Variants in MTMR3 observed in about 807,000 individuals in gnomAD.
MTMR3 encodes phosphatidylinositol-3,5-bisphosphate 3-phosphatase MTMR3.
Under a neutral mutation model 132.4 loss-of-function variants are expected in MTMR3, and 32 were observed. That is an observed-to-expected ratio of 0.24 (90% CI 0.18 to 0.32). MTMR3 has a LOEUF of 0.32. Ranked by LOEUF, MTMR3 falls within the 10% of genes least tolerant of loss-of-function variation. The pLI, the probability that MTMR3 is intolerant of heterozygous loss-of-function variation, is 1.00. For missense variants in MTMR3, 1,216 were observed against 1,489.6 expected (o/e 0.82, Z 3.02); for synonymous variants, 556 against 550.3 (o/e 1.01, Z -0.14).
At chr22:29,980,064 C>T (rs988565081) in intron 5 of MTMR3, 4 of 152,146 alleles carry the variant, frequency 2.6e-5, no homozygotes, top group African/African-American at 9.7e-5. Context: ...TTTCTACACT[C>T]CACTTCCAGC....
intron 1 of MTMR3, among the ~76,000 whole-genome samples, chr22:29,890,572 T>C (rs1423308835): frequency 6.6e-6 from 1 of 152,134 alleles, no homozygotes; most frequent in Non-Finnish European, 1.5e-5. Context: ...GTTTTAAATT[T>C]AGATATACTC....
chr22:30,023,776 G>A, intron 19 of MTMR3: 1 of 429,328 alleles, frequency 2.3e-6, no homozygotes, highest in East Asian at 4.3e-5. Flanking sequence ...AACCAGTTGG[G>A]TTTTCAGAGC....
chr22:30,012,673 C>T lies in MTMR3; in HGVS notation c.1317+110C>T. The T allele has an allele frequency of 2.5e-6, 3 of 1,213,174 alleles. No individual in the cohort carries two copies. In the South Asian group the frequency reaches 5.1e-5, roughly 21 times the overall value. 75.2% of individuals were successfully genotyped at this position (1,213,174 alleles called of 1,614,324 possible). On this transcript the variant is annotated intron_variant, in intron 13 of 19. Coordinates refer to ENST00000401950, the MANE Select transcript of MTMR3 (RefSeq NM_021090.4). ...GATTCGGTTAAAGAAAGTGAAATTT[C>T]TGTTTTGGTCATTGTTCCTTTATGC...
At chr22:29,940,117 A>G (rs2065827840) in intron 1 of MTMR3, among the ~76,000 whole-genome samples, 2 of 151,958 alleles carry the variant, frequency 1.3e-5, no homozygotes, top group South Asian at 4.2e-4. Flanking sequence ...AATACAAAAA[A>G]ATTAGCCGGG....
chr22:29,928,095 C>A (rs1418932300), intron 1 of MTMR3, among the ~76,000 whole-genome samples: 1 of 151,652 alleles, frequency 6.6e-6, no homozygotes, highest in East Asian at 1.9e-4. Context: ...CGCAAACCAC[C>A]ACGCCTGTCT....
chr22:29,959,847 C>T (rs1201195215), intron 2 of MTMR3, among the ~76,000 whole-genome samples: 1 of 150,478 alleles, frequency 6.6e-6, no homozygotes, highest in African/African-American at 2.5e-5. Flanking sequence ...CAGCCTCGAT[C>T]TCCTGGGCTC....
At chr22:29,994,112 T>G (rs2067015090) in intron 7 of MTMR3, 1 of 985,320 alleles carries the variant, frequency 1.0e-6, no homozygotes, top group Non-Finnish European at 1.2e-6. Context: ...CAGTAAATGT[T>G]TAAGTGCCCC....
chr22:29,921,839 GTCTTTTTTTTTTT>G lies in MTMR3; in HGVS notation c.-137-35182_-137-35170del, dbSNP rs1382856742. 1.3e-4 allele frequency among the ~76,000 whole-genome samples: 19 copies of G among 146,990 alleles called. No homozygotes were observed. The East Asian group carries it at 2.2e-3, about 17-fold the overall frequency. ...CATAATGTCTTTAAGGTACATCCAT[GTCTTTTTTTTTTT>G]TCTTTTTTTTTTTTGAGACAGAGTG... On this transcript the variant is annotated intron_variant, in intron 1 of 19. Coordinates refer to ENST00000401950, the MANE Select transcript of MTMR3 (RefSeq NM_021090.4).
At chr22:29,951,269 T>A (rs1199760439) in intron 1 of MTMR3, among the ~76,000 whole-genome samples, 1 of 152,214 alleles carries the variant, frequency 6.6e-6, no homozygotes. Flanking sequence ...TAGCAGATTG[T>A]ATGTGATCTT....
intron 6 of MTMR3, 94 bp from the exon 7 acceptor site, chr22:29,991,409 TC>T: frequency 7.9e-7 from 1 of 1,257,936 alleles, no homozygotes; most frequent in Non-Finnish European, 1.1e-6. Context: ...AGTTCCCACT[TC>T]ACTACGAGTG....
chr22:29,980,157 C>CT (rs1484665165), intron 5 of MTMR3: 3 of 56,414 alleles, frequency 5.3e-5, no homozygotes, highest in Non-Finnish European at 9.8e-5. Flanking sequence ...TTTTGGGATT[C>CT]TTTGAAATCT....
chr22:29,962,648 C>G (rs1457774554), intron 2 of MTMR3, among the ~76,000 whole-genome samples: 1 of 152,100 alleles, frequency 6.6e-6, no homozygotes, highest in East Asian at 1.9e-4. Context: ...CACTGCAACT[C>G]CAGCCTGGGC....
rs1270965473 is a variant in MTMR3, at chr22:30,025,576, C to T, written c.3426-54C>T. On this transcript the variant is annotated intron_variant, in intron 19 of 19. Transcript: ENST00000401950. ...AGTTTGTCTTTTGAAGTTGGTTTCC[C>T]TCCGCATACCTGCTGGCCAAAACTA... 1.6e-5 allele frequency: 26 copies of T among 1,595,486 alleles called. 1 individual carries two copies. In the Admixed American group the frequency reaches 4.2e-4, roughly 26 times the overall value.
chr22:29,938,604 T>G (rs1440473702), intron 1 of MTMR3, among the ~76,000 whole-genome samples: 1 of 152,182 alleles, frequency 6.6e-6, no homozygotes, highest in South Asian at 2.1e-4. Context: ...TCACTGCTAT[T>G]TGGGGACTTC....
intron 1 of MTMR3, among the ~76,000 whole-genome samples, chr22:29,906,798 G>T (rs1426145909): frequency 6.6e-6 from 1 of 152,026 alleles, no homozygotes. Flanking sequence ...TTAAAAATTT[G>T]GCTGGTGTGG....
At chr22:29,932,136 TG>T in intron 1 of MTMR3, among the ~76,000 whole-genome samples, 1 of 152,198 alleles carries the variant, frequency 6.6e-6, no homozygotes, top group Non-Finnish European at 1.5e-5. Flanking sequence ...GTTCTCTAAG[TG>T]CTTCTCTTTT....
chr22:29,895,574 T>C (rs1401665398), intron 1 of MTMR3, among the ~76,000 whole-genome samples: 1 of 152,210 alleles, frequency 6.6e-6, no homozygotes, highest in Non-Finnish European at 1.5e-5. Flanking sequence ...CGTAGCCCAA[T>C]TCAACTTTTG....
rs948617672 is a variant in MTMR3, at chr22:30,026,709, A to G, written c.*908A>G. 2.6e-5 allele frequency: 4 copies of G among 152,730 alleles called. No individual in the cohort carries two copies. Among genetic ancestry groups the G allele is most frequent in the African/African-American group, 7.3e-5 (3 of 41,378 alleles). 9.5% of individuals were successfully genotyped at this position (152,730 alleles called of 1,614,324 possible). The stretch of plus-strand genomic sequence containing the variant: ...ATTCTGGGGCCTGGTCCCCTAAACA[A>G]TCTCTTCCTCAGCCAGCACAGGGAA... On this transcript the variant is annotated 3_prime_UTR_variant, in exon 20 of 20. Coordinates refer to ENST00000401950, the MANE Select transcript of MTMR3 (RefSeq NM_021090.4).
intron 1 of MTMR3, among the ~76,000 whole-genome samples, chr22:29,909,559 T>C (rs914988046): frequency 6.6e-6 from 1 of 152,194 alleles, no homozygotes; most frequent in African/African-American, 2.4e-5. Context: ...TTACCTACTT[T>C]GTAGAGTTGA....
Sources: allele counts gnomAD v4.1 joint callset (sites outside exome capture counted in the v4.1 genomes callset), GRCh38; gene constraint gnomAD v4.1.1; transcripts MANE v1.5; gene names NCBI Gene and HGNC (gene_info 2026-07-23, HGNC 2026-07-21).